Variants in RGPD2 observed in about 807,000 individuals in gnomAD.
RGPD2 encodes the protein RANBP2 like and GRIP domain containing 2, also known as RANBP2-like and GRIP domain-containing protein 2.
RGPD2 carries 2 observed loss-of-function variants against 36.0 expected under a neutral mutation model. The observed-to-expected ratio is 0.06, with a 90% CI of 0.02 to 0.17. The LOEUF is 0.17. RGPD2 is among the 10% of genes least tolerant of loss of function. The pLI, the probability that RGPD2 is intolerant of heterozygous loss-of-function variation, is 1.00. For missense variants in RGPD2, 40 were observed against 464.3 expected (o/e 0.09, Z 8.40); for synonymous variants, 19 against 163.8 (o/e 0.12, Z 6.75).
the RGPD2 span, among the ~76,000 whole-genome samples, chr2:87,961,846 CAT>C: frequency 6.6e-6 from 1 of 151,182 alleles, no homozygotes; most frequent in Non-Finnish European, 1.5e-5. Context: ...AGTTCAAACC[CAT>C]GTTATTCAAG....
chr2:87,825,218 A>G, intron 1 of RGPD2: 1 of 395,012 alleles, frequency 2.5e-6, no homozygotes, highest in Non-Finnish European at 4.5e-6. Context: ...TACCTCATCA[A>G]CAACCGACTA....
chr2:87,876,307 A>C, the RGPD2 span, among the ~76,000 whole-genome samples: 1 of 150,762 alleles, frequency 6.6e-6, no homozygotes, highest in Non-Finnish European at 1.5e-5. Flanking sequence ...TTGTTAAAAA[A>C]ATTTGTGATG....
the RGPD2 span, among the ~76,000 whole-genome samples, chr2:87,920,488 G>A: frequency 7.1e-6 from 1 of 141,192 alleles, no homozygotes; most frequent in Non-Finnish European, 1.5e-5. Context: ...CAACGCCCAA[G>A]CAGTAGTGCT....
At chr2:87,984,421 A>T in the RGPD2 span, among the ~76,000 whole-genome samples, 1 of 151,706 alleles carries the variant, frequency 6.6e-6, no homozygotes, top group South Asian at 2.1e-4. Context: ...ATTATTAGCT[A>T]TTGGTTAATT....
intron 20 of RGPD2, among the ~76,000 whole-genome samples, chr2:87,781,573 G>A (rs1685410902): frequency 6.7e-6 from 1 of 149,224 alleles, no homozygotes; most frequent in Non-Finnish European, 1.5e-5. Flanking sequence ...CGATCCACCT[G>A]CCTCAACCTC....
At chr2:87,957,125 T>C in the RGPD2 span, among the ~76,000 whole-genome samples, 812 of 151,960 alleles carry the variant, frequency 5.3e-3, 27 homozygotes, top group Admixed American at 0.05. Context: ...AAAGTGTTAC[T>C]GTGGACTGAA....
At chr2:87,884,956 G>A in the RGPD2 span, among the ~76,000 whole-genome samples, 76 of 152,228 alleles carry the variant, frequency 5.0e-4, no homozygotes, top group Non-Finnish European at 1.5e-4. Flanking sequence ...GCCTCACCAT[G>A]ATACCAAAGC....
At chr2:87,877,568 C>T in the RGPD2 span, among the ~76,000 whole-genome samples, 1 of 152,208 alleles carries the variant, frequency 6.6e-6, no homozygotes, top group Non-Finnish European at 1.5e-5. Context: ...CTTTGGGAGG[C>T]CGAGGAGGGC....
intron 6 of RGPD2, among the ~76,000 whole-genome samples, chr2:87,809,735 C>A (rs1157446550): frequency 1.3e-5 from 2 of 151,622 alleles, no homozygotes; most frequent in African/African-American, 4.8e-5. Context: ...CAGGGTCCTC[C>A]CCTCAGGCCC....
At chr2:87,865,783 CTCTG>C in the RGPD2 span, among the ~76,000 whole-genome samples, 242 of 46,532 alleles carry the variant, frequency 5.2e-3, 1 homozygote, top group African/African-American at 0.02. Flanking sequence ...TTGCTTATAC[CTCTG>C]TCTTTCAGCA....
chr2:87,902,113 T>G, the RGPD2 span, among the ~76,000 whole-genome samples: 1 of 152,184 alleles, frequency 6.6e-6, no homozygotes, highest in African/African-American at 2.4e-5. Flanking sequence ...ACAGTATTTC[T>G]GAATAATAGG....
the RGPD2 span, among the ~76,000 whole-genome samples, chr2:87,963,679 CAAAAAA>C: frequency 5.5e-5 from 3 of 54,264 alleles, no homozygotes. Context: ...GACCCTGTCT[CAAAAAA>C]AAAAAAAAAA....
the RGPD2 span, among the ~76,000 whole-genome samples, chr2:87,943,458 G>T: frequency 6.6e-6 from 1 of 151,724 alleles, no homozygotes; most frequent in Non-Finnish European, 1.5e-5. Context: ...GTTTTATTTT[G>T]TTCCATAATG....
chr2:87,988,213 C>G, the RGPD2 span, among the ~76,000 whole-genome samples: 1 of 112,620 alleles, frequency 8.9e-6, no homozygotes, highest in Non-Finnish European at 1.9e-5. Context: ...ATTTTGTTTA[C>G]TAAGCTATGT....
chr2:87,933,126 CTCAGAGGTTTTGT>C, the RGPD2 span, among the ~76,000 whole-genome samples: 1 of 108,546 alleles, frequency 9.2e-6, no homozygotes, highest in Admixed American at 1.0e-4. Flanking sequence ...TCTCATATTT[CTCAGAGGTTTTGT>C]TCATTCATTT....
chr2:87,938,098 C>T, the RGPD2 span, among the ~76,000 whole-genome samples: 4 of 150,822 alleles, frequency 2.7e-5, no homozygotes, highest in African/African-American at 4.9e-5. Flanking sequence ...GAGCAGTAGC[C>T]GAAGAGAGAA....
At chr2:87,866,602 A>T in the RGPD2 span, among the ~76,000 whole-genome samples, 1 of 152,286 alleles carries the variant, frequency 6.6e-6, no homozygotes, top group Admixed American at 6.5e-5. Flanking sequence ...CCCCACCTCT[A>T]GCCAAAGATC....
chr2:87,810,171 G>A (rs1442131983), intron 6 of RGPD2, among the ~76,000 whole-genome samples: 1 of 1,864 alleles, frequency 5.4e-4, no homozygotes, highest in Admixed American at 3.9e-3. Context: ...AAAAAAAAAA[G>A]AGAGATTGAG....
At chr2:87,959,943 A>C in the RGPD2 span, among the ~76,000 whole-genome samples, 1 of 125,656 alleles carries the variant, frequency 8.0e-6, no homozygotes, top group Non-Finnish European at 1.7e-5. Context: ...TTGGCTGCAA[A>C]ACACGCGATC....
Sources: gnomAD v4.1 joint callset for allele counts (sites outside exome capture counted in the v4.1 genomes callset) on GRCh38, gnomAD v4.1.1 for gene constraint, MANE v1.5 for transcripts, NCBI Gene and HGNC (gene_info 2026-07-23, HGNC 2026-07-21) for gene names.